The following LPP variants were observed in gnomAD, a reference collection of about 807,000 sequenced individuals.
LPP encodes lipoma-preferred partner.
In LPP, 38 loss-of-function variants were observed where a neutral mutation model predicts 60.4. The ratio of observed to expected loss-of-function variants is 0.63; its 90% CI spans 0.49 to 0.83. The LOEUF is 0.83. Among genes scored for constraint, LPP ranks in the 40% least tolerant of loss-of-function variants. LPP has a pLI of 0.00. For missense variants in LPP, 902 were observed against 783.6 expected (o/e 1.15, Z -1.80); for synonymous variants, 328 against 290.8 (o/e 1.13, Z -1.30).
intron 6 of LPP, among the ~76,000 whole-genome samples, chr3:188,567,522 A>C (rs1023223533): frequency 4.6e-5 from 7 of 151,880 alleles, no homozygotes; most frequent in African/African-American, 1.7e-4. Flanking sequence ...TTTATAGTCA[A>C]AGCCGTGTGT....
chr3:188,718,990 T>C (rs964059852), intron 8 of LPP, among the ~76,000 whole-genome samples: 1 of 152,160 alleles, frequency 6.6e-6, no homozygotes, highest in African/African-American at 2.4e-5. Context: ...ATTCCTTTTT[T>C]TAATTCACTT....
chr3:188,681,138 A>G (rs1220152990), intron 7 of LPP, among the ~76,000 whole-genome samples: 1 of 152,024 alleles, frequency 6.6e-6, no homozygotes, highest in Admixed American at 6.6e-5. Context: ...CTGGGACTAC[A>G]GGTGCACACC....
intron 4 of LPP, among the ~76,000 whole-genome samples, chr3:188,413,102 G>A (rs1355735057): frequency 1.3e-5 from 2 of 152,118 alleles, no homozygotes; most frequent in Non-Finnish European, 2.9e-5. Flanking sequence ...ATGTATCCTG[G>A]GTAGGCAGGA....
intron 6 of LPP, among the ~76,000 whole-genome samples, chr3:188,525,471 A>G (rs967040288): frequency 6.6e-6 from 1 of 152,302 alleles, no homozygotes; most frequent in Admixed American, 6.5e-5. Context: ...CTTTGTCTAT[A>G]TGGATATTTT....
At chr3:188,554,554 C>T (rs1829008962) in intron 6 of LPP, among the ~76,000 whole-genome samples, 1 of 152,174 alleles carries the variant, frequency 6.6e-6, no homozygotes, top group Non-Finnish European at 1.5e-5. Flanking sequence ...CTCTGCCAAG[C>T]CTGCAACTAT....
chr3:188,323,005 G>A (rs995624053), intron 2 of LPP, among the ~76,000 whole-genome samples: 5 of 152,314 alleles, frequency 3.3e-5, no homozygotes, highest in African/African-American at 1.2e-4. Flanking sequence ...GAGTGATTGT[G>A]TGGTAAAATC....
chr3:188,213,476 C>G (rs969745252), intron 1 of LPP, among the ~76,000 whole-genome samples: 5 of 152,080 alleles, frequency 3.3e-5, no homozygotes, highest in Non-Finnish European at 5.9e-5. Flanking sequence ...ACTTAAGCTG[C>G]CCCCTCTATT....
At chr3:188,828,712 C>G (rs1287784346) in intron 9 of LPP, among the ~76,000 whole-genome samples, 2 of 146,452 alleles carry the variant, frequency 1.4e-5, no homozygotes, top group African/African-American at 2.5e-5. Flanking sequence ...GTTTTCTTGT[C>G]TGTTTATCAA....
rs1463318065 is a variant in LPP, at chr3:188,825,269, C to CTCTCTG, written c.1411-40930_1411-40929insCTCTGT. 6.0e-3 allele frequency among the ~76,000 whole-genome samples: 610 copies of CTCTCTG among 101,748 alleles called. 3 individuals carry two copies. The highest frequency in any genetic ancestry group is 0.011 in the East Asian group (28 of 2,502). 66.8% of individuals were successfully genotyped at this position (101,748 alleles called of 152,430 possible). On this transcript the variant is annotated intron_variant, in intron 9 of 11. Transcript: ENST00000617246. ...TCTTTCTCTCTCTCTCTCTCTCTCT[C>CTCTCTG]TGTGTGTGTGTGTGTGTGTGTGTGT...
chr3:188,852,350 T>G (rs1479083761), intron 9 of LPP, among the ~76,000 whole-genome samples: 1 of 152,184 alleles, frequency 6.6e-6, no homozygotes, highest in East Asian at 1.9e-4. Flanking sequence ...TCTATCTGCA[T>G]GTGGTCTCTC....
chr3:188,437,883 C>G (rs1490117845), intron 4 of LPP, among the ~76,000 whole-genome samples: 1 of 152,176 alleles, frequency 6.6e-6, no homozygotes, highest in African/African-American at 2.4e-5. Flanking sequence ...TTGGTATTTA[C>G]TATGTATCCC....
At chr3:188,181,102 C>T (rs748571239) in intron 1 of LPP, among the ~76,000 whole-genome samples, 8 of 152,114 alleles carry the variant, frequency 5.3e-5, no homozygotes, top group Non-Finnish European at 7.3e-5. Flanking sequence ...TGCCTGTAAT[C>T]TCAGCACTTT....
At chr3:188,866,493 G>A (rs1560314688) in intron 10 of LPP, 115 bp downstream of exon 10, 1 of 872,080 alleles carries the variant, frequency 1.1e-6, no homozygotes, top group Non-Finnish European at 1.6e-6. Flanking sequence ...TCAGGATTTA[G>A]TGAGGCTTTT....
intron 8 of LPP, among the ~76,000 whole-genome samples, chr3:188,754,683 A>T (rs559449813): frequency 6.6e-6 from 1 of 152,190 alleles, no homozygotes; most frequent in East Asian, 1.9e-4. Context: ...AGTTTCCCAG[A>T]TGATTGCAAT....
intron 7 of LPP, among the ~76,000 whole-genome samples, chr3:188,640,170 A>G (rs891481042): frequency 2.0e-5 from 3 of 150,192 alleles, no homozygotes; most frequent in Non-Finnish European, 4.5e-5. Context: ...CATATACACC[A>G]TGGAATACTA....
chr3:188,822,114 C>T (rs1430212147), intron 9 of LPP, among the ~76,000 whole-genome samples: 2 of 152,008 alleles, frequency 1.3e-5, no homozygotes, highest in Non-Finnish European at 2.9e-5. Context: ...AAGCATGGGA[C>T]CTTGGCACCG....
chr3:188,483,405 C>T (rs1395639537), intron 4 of LPP, among the ~76,000 whole-genome samples: 1 of 152,128 alleles, frequency 6.6e-6, no homozygotes, highest in Non-Finnish European at 1.5e-5. Context: ...ATGGAGACTG[C>T]TGCCCTAACC....
chr3:188,312,140 T>TACACACACACACAGAA (rs1368801716), intron 2 of LPP, among the ~76,000 whole-genome samples: 1 of 149,792 alleles, frequency 6.7e-6, no homozygotes, highest in African/African-American at 2.5e-5. Flanking sequence ...AGCATGTGTA[T>TACACACACACACAGAA]ACACACACAC....
At chr3:188,539,464 C>T (rs1203755369) in intron 6 of LPP, among the ~76,000 whole-genome samples, 4 of 152,084 alleles carry the variant, frequency 2.6e-5, no homozygotes, top group African/African-American at 7.2e-5. Flanking sequence ...AATGAAAACC[C>T]GTATCTAGGA....
Sources: gnomAD v4.1 joint callset for allele counts (sites outside exome capture counted in the v4.1 genomes callset) on GRCh38, gnomAD v4.1.1 for gene constraint, MANE v1.5 for transcripts, NCBI Gene and HGNC (gene_info 2026-07-23, HGNC 2026-07-21) for gene names.